The following NDUFAF6 variants were observed in gnomAD, a reference collection of about 807,000 sequenced individuals.
NDUFAF6 encodes NADH:ubiquinone oxidoreductase complex assembly factor 6, also known as NADH dehydrogenase (ubiquinone) complex I, assembly factor 6.
NDUFAF6 carries 45 observed loss-of-function variants against 40.8 expected under a neutral mutation model. That is an observed-to-expected ratio of 1.10 (90% CI 0.87 to 1.42). NDUFAF6 has a LOEUF of 1.42. Among genes scored for constraint, NDUFAF6 ranks in the 40% most tolerant of loss-of-function variants. The pLI, the probability that NDUFAF6 is intolerant of heterozygous loss-of-function variation, is 0.00. For synonymous variants in NDUFAF6, 185 were observed against 155.9 expected (o/e 1.19, Z -1.39); for missense variants, 435 against 418.5 (o/e 1.04, Z -0.34).
chr8:95,062,126 A>C (rs2132015404), downstream of NDUFAF6, among the ~76,000 whole-genome samples: 1 of 151,658 alleles, frequency 6.6e-6, no homozygotes, highest in East Asian at 1.9e-4. Flanking sequence ...GCGCCACTGC[A>C]CTGCAGCCTG....
At chr8:94,941,385 T>C (rs932509613) in intron 1 of NDUFAF6, among the ~76,000 whole-genome samples, 1 of 152,288 alleles carries the variant, frequency 6.6e-6, no homozygotes, top group East Asian at 1.9e-4. Flanking sequence ...CCTTCAAACT[T>C]TTCTGCAAGC....
downstream of NDUFAF6, among the ~76,000 whole-genome samples, chr8:95,060,405 C>T (rs943769262): frequency 1.1e-4 from 17 of 152,158 alleles, no homozygotes; most frequent in African/African-American, 4.1e-4. Context: ...AGATTATTCT[C>T]AATGTAGGTA....
At chr8:94,958,823 A>G (rs1823310778) in intron 1 of NDUFAF6, among the ~76,000 whole-genome samples, 1 of 152,128 alleles carries the variant, frequency 6.6e-6, no homozygotes, top group African/African-American at 2.4e-5. Context: ...GTATAGTCAC[A>G]TTCTGAAGTG....
intron 1 of NDUFAF6, among the ~76,000 whole-genome samples, chr8:94,980,432 T>TG (rs1825321719): frequency 6.8e-6 from 1 of 146,432 alleles, no homozygotes. Context: ...CTGTCAACTG[T>TG]GGTTTTTTTG....
intron 1 of NDUFAF6, among the ~76,000 whole-genome samples, chr8:94,900,884 T>C (rs1036199137): frequency 6.6e-6 from 1 of 152,176 alleles, no homozygotes; most frequent in African/African-American, 2.4e-5. Context: ...ATTTAGTTCA[T>C]TCATTAATTC....
intron 7 of NDUFAF6, among the ~76,000 whole-genome samples, chr8:95,051,942 G>A (rs760600688): frequency 3.2e-4 from 49 of 152,104 alleles, no homozygotes; most frequent in Non-Finnish European, 5.7e-4. Context: ...TTGTAAGGTC[G>A]CTGGAAAATG....
At chr8:95,115,203 G>A (rs1359734200) in intron 4 of NDUFAF6, among the ~76,000 whole-genome samples, 1 of 152,112 alleles carries the variant, frequency 6.6e-6, no homozygotes, top group Non-Finnish European at 1.5e-5. Flanking sequence ...TTCTACTGGA[G>A]TCTAAAAAGT....
At chr8:94,997,631 A>G (rs1826516157) in intron 2 of NDUFAF6, among the ~76,000 whole-genome samples, 1 of 152,206 alleles carries the variant, frequency 6.6e-6, no homozygotes, top group Non-Finnish European at 1.5e-5. Context: ...AAGGATTCAC[A>G]GGGCTACCTA....
intron 1 of NDUFAF6, among the ~76,000 whole-genome samples, chr8:94,912,389 A>C (rs1442207157): frequency 6.6e-6 from 1 of 152,260 alleles, no homozygotes; most frequent in Non-Finnish European, 1.5e-5. Context: ...AAAACCACAC[A>C]TCACATAAAA....
At chr8:95,005,553 A>ATATATATATATATATATATAT (rs60157067) in intron 2 of NDUFAF6, among the ~76,000 whole-genome samples, 2 of 124,362 alleles carry the variant, frequency 1.6e-5, no homozygotes, top group African/African-American at 6.6e-5. Context: ...ATATATATAT[A>ATATATATATATATATATATAT]AAAAATATAT....
chr8:94,910,152 T>C (rs143447071), intron 1 of NDUFAF6, among the ~76,000 whole-genome samples: 202 of 152,182 alleles, frequency 1.3e-3, no homozygotes, highest in East Asian at 8.7e-3. Flanking sequence ...TTTTGTTTGT[T>C]TTTTTGGTTT....
At position 95,052,641 on chromosome 8, in the gene NDUFAF6, C is replaced by T. The variant is rs375577913; in HGVS notation, c.873+411C>T. Reference sequence around the variant, plus strand: ...TGTTCATTTTTTTTTCCATTGTGACCTGACCGTATTGTAGCACCAGTTCCA... The same window carrying T: ...TGTTCATTTTTTTTTCCATTGTGACTTGACCGTATTGTAGCACCAGTTCCA... On this transcript the variant is annotated intron_variant, in intron 8 of 8. Coordinates refer to ENST00000396124, the MANE Select transcript of NDUFAF6 (RefSeq NM_152416.4). Among the ~76,000 whole-genome samples the T allele has an allele frequency of 2.8e-4, 43 of 152,174 alleles. No individual in the cohort carries two copies. The South Asian group carries it at 8.1e-3, about 29-fold the overall frequency.
intron 2 of NDUFAF6, among the ~76,000 whole-genome samples, chr8:95,019,115 G>C (rs1000010687): frequency 3.9e-5 from 6 of 152,132 alleles, no homozygotes; most frequent in Admixed American, 3.9e-4. Context: ...GCTTCAAGCG[G>C]TTCTCCTGCC....
chr8:94,973,855 TA>T (rs754972680), intron 1 of NDUFAF6, among the ~76,000 whole-genome samples: 7,366 of 125,228 alleles, frequency 0.059, 369 homozygotes, highest in African/African-American at 0.16. Context: ...CCCCTGTCTC[TA>T]AAAAAAAAAA....
rs113133808 is a variant in NDUFAF6, at chr8:95,101,864, C to T, written n.230+638C>T. Among the ~76,000 whole-genome samples, 1,047 of 152,350 alleles carry T rather than the reference C, an allele frequency of 6.9e-3. 10 individuals are homozygous for T. The highest frequency in any genetic ancestry group is 0.024 in the African/African-American group (999 of 41,570). ...GCAGAGGAAGAGGCAGCTTCTGACC[C>T]AGCTGGATCCAGGCTCAGCCAGTGC... On this transcript the variant is annotated intron_variant and non_coding_transcript_variant, in intron 2 of 2. Transcript: ENST00000521063.
chr8:95,065,736 T>A (rs1185799441), intron 9 of NDUFAF6, among the ~76,000 whole-genome samples: 1 of 152,186 alleles, frequency 6.6e-6, no homozygotes, highest in African/African-American at 2.4e-5. Flanking sequence ...GCATAACCTT[T>A]GCTAGTATTG....
At chr8:95,076,672 G>A (rs1415495202), downstream of NDUFAF6, among the ~76,000 whole-genome samples, 1 of 152,078 alleles carries the variant, frequency 6.6e-6, no homozygotes, top group East Asian at 1.9e-4. Context: ...TCGGGAGTTC[G>A]AGACCAGACT....
At chr8:94,991,798 C>G (rs915015659) in intron 2 of NDUFAF6, among the ~76,000 whole-genome samples, 11 of 35,486 alleles carry the variant, frequency 3.1e-4, no homozygotes, top group African/African-American at 4.3e-4. Context: ...CATTCTTCGC[C>G]CCCCCCCCCT....
At chr8:94,933,837 G>GGGC (rs1554630468) in intron 1 of NDUFAF6, among the ~76,000 whole-genome samples, 2 of 148,148 alleles carry the variant, frequency 1.3e-5, no homozygotes, top group African/African-American at 5.0e-5. Context: ...CACTTTGTGG[G>GGGC]GGGGGGGGGA....
Sources: gnomAD v4.1 joint callset for allele counts (sites outside exome capture counted in the v4.1 genomes callset) on GRCh38, gnomAD v4.1.1 for gene constraint, MANE v1.5 for transcripts, NCBI Gene and HGNC (gene_info 2026-07-23, HGNC 2026-07-21) for gene names.